EHBP1: variants seen among roughly 807,000 people sequenced by gnomAD.
EHBP1 encodes EH domain-binding protein 1.
Under a neutral mutation model 144.0 loss-of-function variants are expected in EHBP1, and 55 were observed. The ratio of observed to expected loss-of-function variants is 0.38; its 90% CI spans 0.31 to 0.48. The LOEUF (loss-of-function observed/expected upper bound fraction) is 0.48, where lower values mean the gene tolerates loss of function less well. Among genes scored for constraint, EHBP1 ranks in the 20% least tolerant of loss-of-function variants. The pLI is 0.98. For missense variants in EHBP1, 1,200 were observed against 1,364.2 expected (o/e 0.88, Z 1.90); for synonymous variants, 469 against 472.7 (o/e 0.99, Z 0.10).
chr2:62,993,309 C>T (rs928806080), intron 16 of EHBP1, among the ~76,000 whole-genome samples: 4 of 152,154 alleles, frequency 2.6e-5, no homozygotes, highest in African/African-American at 9.6e-5. Flanking sequence ...GTGGAAGACA[C>T]ATTCGTATCA....
At chr2:63,037,508 TA>T in intron 19 of EHBP1, 26 bp from the exon 20 acceptor site, 1 of 1,513,894 alleles carries the variant, frequency 6.6e-7, no homozygotes, top group Non-Finnish European at 9.1e-7. Flanking sequence ...CATCGTATAG[TA>T]AAAGGTAACT....
At chr2:62,961,258 A>C (rs750161201) in intron 14 of EHBP1, among the ~76,000 whole-genome samples, 6 of 152,238 alleles carry the variant, frequency 3.9e-5, no homozygotes, top group African/African-American at 1.2e-4. Flanking sequence ...CTACCATTGC[A>C]TATTTTAGTG....
intron 19 of EHBP1, among the ~76,000 whole-genome samples, chr2:63,025,156 A>C (rs1358483919): frequency 6.6e-6 from 1 of 152,244 alleles, no homozygotes; most frequent in Non-Finnish European, 1.5e-5. Context: ...CAAAATTATT[A>C]GTGTAGATTA....
Position 62,874,270 on chromosome 2 carries a change from G to A in EHBP1, c.999-76G>A, listed in dbSNP as rs2050707025. On this transcript the variant is annotated intron_variant, in intron 9 of 22. Transcript: ENST00000431489. The stretch of plus-strand genomic sequence containing the variant: ...TTGAAAAAAGAAATTTTAGTTTTCA[G>A]TGCATGTTTTATTATTTTACTTGTA... 1.0e-5 allele frequency: 12 copies of A among 1,189,616 alleles called. No individual in the cohort carries two copies. The South Asian group carries it at 2.2e-4, about 22-fold the overall frequency. 73.7% of individuals were successfully genotyped at this position (1,189,616 alleles called of 1,614,324 possible).
At chr2:62,696,164 C>T (rs182149484) in intron 1 of EHBP1, among the ~76,000 whole-genome samples, 122 of 135,662 alleles carry the variant, frequency 9.0e-4, no homozygotes, top group Middle Eastern at 7.5e-3. Flanking sequence ...CTCTCTCTCT[C>T]TCTTTCTTTC....
chr2:62,863,840 GTT>G (rs70962797), intron 8 of EHBP1, among the ~76,000 whole-genome samples: 2 of 82,734 alleles, frequency 2.4e-5, no homozygotes, highest in African/African-American at 4.8e-5. Flanking sequence ...TTTCTGTGTT[GTT>G]TTTTTTTTTT....
intron 10 of EHBP1, among the ~76,000 whole-genome samples, chr2:62,924,340 A>G (rs1340353934): frequency 2.0e-5 from 3 of 152,248 alleles, no homozygotes; most frequent in Non-Finnish European, 4.4e-5. Flanking sequence ...AGAGCAAACC[A>G]AAACATTGTA....
intron 5 of EHBP1, among the ~76,000 whole-genome samples, chr2:62,804,763 GA>G (rs1380864600): frequency 1.3e-5 from 2 of 152,182 alleles, no homozygotes; most frequent in African/African-American, 4.8e-5. Context: ...AGCAGGAGGT[GA>G]GTGGTGGGCA....
chr2:62,838,349 A>C (rs1168366790), intron 7 of EHBP1, among the ~76,000 whole-genome samples: 1 of 152,174 alleles, frequency 6.6e-6, no homozygotes, highest in East Asian at 1.9e-4. Flanking sequence ...CAGTGTGTAG[A>C]GGGAAATTTA....
chr2:62,959,192 A>G (rs2057873848), intron 14 of EHBP1, among the ~76,000 whole-genome samples: 1 of 152,222 alleles, frequency 6.6e-6, no homozygotes, highest in African/African-American at 2.4e-5. Context: ...TCTATGTTGT[A>G]GAATGTGACA....
At chr2:62,752,978 A>G (rs1050294224) in intron 3 of EHBP1, among the ~76,000 whole-genome samples, 2 of 152,104 alleles carry the variant, frequency 1.3e-5, no homozygotes, top group African/African-American at 2.4e-5. Context: ...GTTTCTTTCA[A>G]TTGAAGTATT....
intron 10 of EHBP1, among the ~76,000 whole-genome samples, chr2:62,926,832 A>G (rs574418612): frequency 4.6e-4 from 70 of 152,132 alleles, no homozygotes; most frequent in Non-Finnish European, 8.5e-4. Context: ...CAGTCCTCCT[A>G]CTACTGAGTA....
chr2:62,700,229 G>A, intron 1 of EHBP1, among the ~76,000 whole-genome samples: 1 of 152,148 alleles, frequency 6.6e-6, no homozygotes, highest in East Asian at 1.9e-4. Context: ...TTTATTAAGA[G>A]TTATTATTTA....
intron 2 of EHBP1, among the ~76,000 whole-genome samples, chr2:62,743,171 T>G (rs2152118004): frequency 6.6e-6 from 1 of 152,282 alleles, no homozygotes; most frequent in South Asian, 2.1e-4. Flanking sequence ...GCAAATGTTC[T>G]TAGAAAATAT....
chr2:62,695,943 G>A (rs1052067380), intron 1 of EHBP1, among the ~76,000 whole-genome samples: 1 of 151,776 alleles, frequency 6.6e-6, no homozygotes, highest in Non-Finnish European at 1.5e-5. Context: ...AAACTCCTGA[G>A]CTTAAGTGAT....
chr2:62,701,042 T>G (rs1040959225), upstream of EHBP1, among the ~76,000 whole-genome samples: 8 of 152,274 alleles, frequency 5.3e-5, no homozygotes, highest in East Asian at 5.8e-4. Context: ...TAGGTCCTGC[T>G]CTCAGAAATC....
At chr2:62,958,103 C>T (rs2057807613) in intron 14 of EHBP1, among the ~76,000 whole-genome samples, 1 of 152,130 alleles carries the variant, frequency 6.6e-6, no homozygotes, top group South Asian at 2.1e-4. Flanking sequence ...AACTAGAACT[C>T]TCACATTTTG....
rs765837562 is a variant in EHBP1 at position 62,826,124 on chromosome 2, G to A, written c.350G>A (p.Ser117Asn). 5.9e-6 allele frequency: 9 copies of A among 1,537,408 alleles called. No homozygotes were observed. Among genetic ancestry groups the A allele is most frequent in the African/African-American group, 4.2e-5 (3 of 71,442 alleles). ...PSGRRKALAT[S>N]SINMKQYASP... The stretch of plus-strand genomic sequence containing the variant: ...GGTCGAAGGAAAGCTCTTGCTACTA[G>A]CAGCATCAATATGAAACAGTATGCA... The change falls in exon 6 of 23, where the codon AGC (serine) becomes AAC (asparagine). Residue 117 changes from serine (S) to asparagine (N), a missense_variant. Coordinates refer to ENST00000431489, the MANE Select transcript of EHBP1 (RefSeq NM_001142616.3).
intron 18 of EHBP1, 26 bp downstream of exon 18, chr2:62,994,003 A>G: frequency 1.4e-6 from 2 of 1,458,248 alleles, no homozygotes; most frequent in African/African-American, 1.4e-5. Flanking sequence ...GTGTGGTTTC[A>G]TGATTGCTGA....
Sources: allele counts gnomAD v4.1 joint callset (sites outside exome capture counted in the v4.1 genomes callset), GRCh38; gene constraint gnomAD v4.1.1; transcripts MANE v1.5; gene names NCBI Gene and HGNC (gene_info 2026-07-23, HGNC 2026-07-21).